The following LRPAP1 variants were observed in gnomAD, a reference collection of about 807,000 sequenced individuals.
LRPAP1 encodes the protein LDL receptor related protein associated protein 1, also known as alpha-2-macroglobulin receptor-associated protein.
LRPAP1 carries 41 observed loss-of-function variants against 39.9 expected under a neutral mutation model. The observed-to-expected ratio is 1.03, with a 90% CI of 0.80 to 1.33. The LOEUF is 1.33. Among genes scored for constraint, LRPAP1 ranks in the 40% most tolerant of loss-of-function variants. The probability of loss-of-function intolerance (pLI) is 0.00; values close to 1 mark genes in which losing one functional copy is unlikely to be tolerated. For synonymous variants in LRPAP1, 263 were observed against 212.7 expected, an observed-to-expected ratio of 1.24 and a Z score of -2.06; for missense variants, 565 against 482.3, an observed-to-expected ratio of 1.17 and a Z score of -1.61.
chr4:3,513,083 C>T (rs777751649), intron 7 of LRPAP1, 47 bp from the exon 8 acceptor site: 4 of 1,477,280 alleles, frequency 2.7e-6, no homozygotes, highest in South Asian at 1.2e-5. Context: ...CGCCTCGAGG[C>T]CAGCTCTGTG....
rs554237619 is a variant in LRPAP1, at chr4:3,525,438, G to A, written c.205-387C>T. On this transcript the variant is annotated intron_variant, in intron 1 of 7. Transcript: ENST00000650182. ...TGCAGATACATATTGCAAGGACACA[G>A]ACACCTAGAAGTTCTTTTTTAAAAA... is the stretch of plus-strand genomic sequence containing the variant. Among the ~76,000 whole-genome samples the A allele has an allele frequency of 5.5e-5, 8 of 145,018 alleles. No homozygotes were observed. The East Asian group carries it at 1.7e-3, about 32-fold the overall frequency.
rs1729332326 is a variant in LRPAP1, at chr4:3,505,662, T to C, written c.*7312A>G. On this transcript the variant is annotated 3_prime_UTR_variant, in exon 8 of 8. Transcript: ENST00000650182. ...ATACCAGCTACCCCAAGACCGTCTA[T>C]ACCAGCTACCCCAAGACCGTCTATA... is the stretch of plus-strand genomic sequence containing the variant. 6.6e-6 allele frequency among the ~76,000 whole-genome samples: 1 copy of C among 152,122 alleles called. No individual in the cohort carries two copies. Among genetic ancestry groups the C allele is most frequent in the Non-Finnish European group, 1.5e-5 (1 of 68,022 alleles).
chr4:3,518,276 G>A (rs1729789669), intron 4 of LRPAP1, 84 bp from the exon 5 acceptor site: 1 of 1,430,860 alleles, frequency 7.0e-7, no homozygotes, highest in South Asian at 1.4e-5. Context: ...CCCACTGCTG[G>A]GGAGCTCAAA....
intron 2 of LRPAP1, 77 bp downstream of exon 2, chr4:3,524,830 G>GAC: frequency 6.6e-7 from 1 of 1,523,400 alleles, no homozygotes; most frequent in Admixed American, 1.7e-5. Flanking sequence ...AACAAAATCC[G>GAC]ACATCCAAAA....
At position 3,512,685 on chromosome 4, in the gene LRPAP1, G is replaced by A. The variant is rs1248692012; in HGVS notation, c.*289C>T. The A allele has an allele frequency of 4.4e-6, 2 of 455,268 alleles. No homozygotes were observed. The highest frequency in any genetic ancestry group is 2.0e-5 in the African/African-American group (1 of 51,114). 28.2% of individuals were successfully genotyped at this position (455,268 alleles called of 1,614,324 possible). A position where few individuals can be genotyped will look rare whatever the true frequency, so the allele number is the denominator to read the frequency against. ...TAGCAGAGGACTATCAGACCTGACA[G>A]CAGCTGGACATCGAGGTCCTCACTG... On this transcript the variant is annotated 3_prime_UTR_variant, in exon 8 of 8. Coordinates refer to ENST00000650182, the MANE Select transcript of LRPAP1 (RefSeq NM_002337.4).
intron 3 of LRPAP1, 81 bp from the exon 4 acceptor site, chr4:3,519,072 G>A (rs2108690501): frequency 6.4e-7 from 1 of 1,564,128 alleles, no homozygotes; most frequent in East Asian, 2.3e-5. Flanking sequence ...CACTCCTCAT[G>A]GCCAGGCAGG....
chr4:3,523,658 G>GT (rs1464909472), intron 2 of LRPAP1, among the ~76,000 whole-genome samples: 2 of 152,158 alleles, frequency 1.3e-5, no homozygotes, highest in Non-Finnish European at 2.9e-5. Flanking sequence ...GTTTTGAGGA[G>GT]TAGGTGTTAG....
chr4:3,526,987 T>C (rs1232278231), intron 1 of LRPAP1, among the ~76,000 whole-genome samples: 1 of 152,162 alleles, frequency 6.6e-6, no homozygotes, highest in African/African-American at 2.4e-5. Flanking sequence ...TAGCAAACGG[T>C]AGGCACAAAA....
At chr4:3,525,556 T>C (rs907346822) in intron 1 of LRPAP1, among the ~76,000 whole-genome samples, 8 of 152,200 alleles carry the variant, frequency 5.3e-5, no homozygotes, top group African/African-American at 1.9e-4. Flanking sequence ...ACTGTCTTGC[T>C]GAGACGGTTC....
intron 2 of LRPAP1, 29 bp downstream of exon 2, chr4:3,524,878 G>A (rs1187283119): frequency 6.2e-7 from 1 of 1,608,538 alleles, no homozygotes; most frequent in East Asian, 2.2e-5. Flanking sequence ...AGGGATACTC[G>A]ACCTGCATTA....
At chr4:3,526,613 C>T (rs1399911413) in intron 1 of LRPAP1, among the ~76,000 whole-genome samples, 1 of 152,220 alleles carries the variant, frequency 6.6e-6, no homozygotes, top group African/African-American at 2.4e-5. Flanking sequence ...CTCAGGAGGC[C>T]CAGCCCTCAG....
chr4:3,524,284 C>G (rs1336234183), intron 2 of LRPAP1, among the ~76,000 whole-genome samples: 2 of 152,354 alleles, frequency 1.3e-5, no homozygotes, highest in South Asian at 2.1e-4. Context: ...TGGTACCAAG[C>G]AGGCGACTGT....
chr4:3,516,271 G>T (rs529512329), intron 5 of LRPAP1, 73 bp from the exon 6 acceptor site: 3 of 1,181,684 alleles, frequency 2.5e-6, no homozygotes, highest in Non-Finnish European at 3.6e-6. Flanking sequence ...CGGCAACCAC[G>T]CTGAGTGTGC....
chr4:3,529,285 T>G (rs112950163), intron 1 of LRPAP1, among the ~76,000 whole-genome samples: 1 of 151,794 alleles, frequency 6.6e-6, no homozygotes, highest in African/African-American at 2.4e-5. Context: ...ATCACGCCAC[T>G]GCACCCCAGC....
rs1729266034 is a variant in LRPAP1 at position 3,503,633 on chromosome 4, T to C, written c.*9341A>G. The stretch of plus-strand genomic sequence containing the variant: ...ATCATACTTGAAATGAGAAAATATT[T>C]TGAACTGAATGGCAGTGAAAACACT... On this transcript the variant is annotated 3_prime_UTR_variant, in exon 8 of 8. Coordinates refer to ENST00000650182, the MANE Select transcript of LRPAP1 (RefSeq NM_002337.4). 2 of 152,204 alleles carry C rather than the reference T, an allele frequency of 1.3e-5. No homozygotes were observed. Among genetic ancestry groups the C allele is most frequent in the African/African-American group, 4.8e-5 (2 of 41,438 alleles). The allele number at this position is 152,204 out of a possible 1,614,324, so 9.4% of individuals were successfully genotyped here.
intron 1 of LRPAP1, among the ~76,000 whole-genome samples, chr4:3,531,567 G>A (rs183841758): frequency 6.6e-6 from 1 of 152,134 alleles, no homozygotes; most frequent in Non-Finnish European, 1.5e-5. Flanking sequence ...CTGTTGTCCC[G>A]GGGGGCCCCA....
rs1729482634 is a variant in LRPAP1, at chr4:3,510,774, A to G, written c.*2200T>C. ...ACGCAGACATACACAGACGCACGCA[A>G]AGACACAGACTGCCCAGAGCCATGC... On this transcript the variant is annotated 3_prime_UTR_variant, in exon 8 of 8. Coordinates refer to ENST00000650182, the MANE Select transcript of LRPAP1 (RefSeq NM_002337.4). The G allele has an allele frequency of 6.6e-6, 1 of 152,308 alleles. No homozygotes were observed. Among genetic ancestry groups the G allele is most frequent in the Non-Finnish European group, 1.5e-5 (1 of 68,060 alleles). The allele number at this position is 152,308 out of a possible 1,614,324, so 9.4% of individuals were successfully genotyped here.
rs1210382594 is a variant in LRPAP1 at position 3,511,785 on chromosome 4, C to T, written c.*1189G>A. On this transcript the variant is annotated 3_prime_UTR_variant, in exon 8 of 8. Coordinates refer to ENST00000650182, the MANE Select transcript of LRPAP1 (RefSeq NM_002337.4). Reference sequence around the variant, plus strand: ...CTTCCAGGCTCAGACACGGGAACCACGCCCAGAGCCGGACCCGAGCCTCTT... The same window carrying T: ...CTTCCAGGCTCAGACACGGGAACCATGCCCAGAGCCGGACCCGAGCCTCTT... 7.3e-6 allele frequency: 1 copy of T among 136,162 alleles called. No individual in the cohort carries two copies. Among genetic ancestry groups the T allele is most frequent in the Non-Finnish European group, 1.6e-5 (1 of 63,546 alleles). The allele number at this position is 136,162 out of a possible 1,614,324, so 8.4% of individuals were successfully genotyped here.
chr4:3,523,001 G>A (rs949088528), intron 2 of LRPAP1, among the ~76,000 whole-genome samples: 2 of 152,164 alleles, frequency 1.3e-5, no homozygotes, highest in Non-Finnish European at 1.5e-5. Context: ...TGGCCAGGAC[G>A]AGCCTCTTTC....
Sources: allele counts gnomAD v4.1 joint callset (sites outside exome capture counted in the v4.1 genomes callset), GRCh38; gene constraint gnomAD v4.1.1; transcripts MANE v1.5; gene names NCBI Gene and HGNC (gene_info 2026-07-23, HGNC 2026-07-21).